R3HDM1: variants seen among roughly 807,000 people sequenced by gnomAD.
R3HDM1 encodes the protein R3H domain containing 1.
R3HDM1 carries 46 observed loss-of-function variants against 141.1 expected under a neutral mutation model. The ratio of observed to expected loss-of-function variants is 0.33; its 90% CI spans 0.26 to 0.42. The LOEUF (loss-of-function observed/expected upper bound fraction) is 0.42. R3HDM1 is among the 10% of genes least tolerant of loss of function. The pLI, the probability that R3HDM1 is intolerant of heterozygous loss-of-function variation, is 1.00. For synonymous variants in R3HDM1, 435 were observed against 472.9 expected, an observed-to-expected ratio of 0.92 and a Z score of 1.04; for missense variants, 1,184 against 1,368.3, an observed-to-expected ratio of 0.87 and a Z score of 2.12.
chr2:135,566,827 G>A, intron 1 of R3HDM1: 2 of 934,588 alleles, frequency 2.1e-6, no homozygotes, highest in African/African-American at 1.8e-5. Context: ...ACGAAAATTA[G>A]CCAGCATGAT....
At chr2:135,701,490 A>G (rs548338808) in intron 21 of R3HDM1, among the ~76,000 whole-genome samples, 1 of 152,306 alleles carries the variant, frequency 6.6e-6, no homozygotes, top group Admixed American at 6.5e-5. Context: ...TGCATATGTG[A>G]TGAGATGAAG....
chr2:135,699,035 A>ATTGATAGAT (rs745595308), intron 21 of R3HDM1, among the ~76,000 whole-genome samples: 1 of 106,976 alleles, frequency 9.3e-6, no homozygotes, highest in East Asian at 2.6e-4. Context: ...AGATAGATAG[A>ATTGATAGAT]TAGATAGATA....
chr2:135,531,887 G>GGCTGCA (rs1179199867), intron 1 of R3HDM1, among the ~76,000 whole-genome samples: 29 of 152,302 alleles, frequency 1.9e-4, no homozygotes, highest in Middle Eastern at 6.8e-3. Context: ...CTGCGGCTCC[G>GGCTGCA]GCTGCAGCTG....
intron 1 of R3HDM1, among the ~76,000 whole-genome samples, chr2:135,570,026 AG>A (rs1703754887): frequency 6.6e-6 from 1 of 152,144 alleles, no homozygotes; most frequent in Non-Finnish European, 1.5e-5. Flanking sequence ...ATGCCCGGCC[AG>A]TAAGCTCTTT....
At chr2:135,656,570 A>T (rs1244195375) in intron 18 of R3HDM1, 2 of 151,868 alleles carry the variant, frequency 1.3e-5, no homozygotes, top group African/African-American at 2.4e-5. Context: ...CTTTTTAGGT[A>T]CATCCCCTTG....
chr2:135,663,120 A>T (rs4954280), intron 19 of R3HDM1, among the ~76,000 whole-genome samples: 1 of 146,950 alleles, frequency 6.8e-6, no homozygotes, highest in Non-Finnish European at 1.5e-5. Flanking sequence ...GTGCTAGTAT[A>T]TATGCCTCTC....
At chr2:135,699,023 A>ATAGATAGAT (rs1553629852) in intron 21 of R3HDM1, among the ~76,000 whole-genome samples, 1 of 95,576 alleles carries the variant, frequency 1.0e-5, no homozygotes, top group African/African-American at 3.7e-5. Flanking sequence ...AGATAGATAG[A>ATAGATAGAT]TAGATAGATA....
chr2:135,718,916 G>A (rs1228138376), intron 24 of R3HDM1, among the ~76,000 whole-genome samples: 1 of 152,280 alleles, frequency 6.6e-6, no homozygotes, highest in African/African-American at 2.4e-5. Flanking sequence ...GGGAGGCTGA[G>A]GTGGGTGGAT....
intron 1 of R3HDM1, among the ~76,000 whole-genome samples, chr2:135,581,720 C>A (rs985537444): frequency 2.0e-5 from 3 of 152,282 alleles, no homozygotes; most frequent in Non-Finnish European, 4.4e-5. Flanking sequence ...TTTCAAGTTT[C>A]TGAATTTTTA....
At chr2:135,713,127 G>C (rs2075836520) in intron 23 of R3HDM1, among the ~76,000 whole-genome samples, 1 of 152,076 alleles carries the variant, frequency 6.6e-6, no homozygotes, top group Non-Finnish European at 1.5e-5. Context: ...GCTTGACCCT[G>C]AGTGGTAGAG....
intron 1 of R3HDM1, among the ~76,000 whole-genome samples, chr2:135,598,736 C>T (rs527369305): frequency 6.6e-6 from 1 of 152,322 alleles, no homozygotes; most frequent in African/African-American, 2.4e-5. Context: ...AATATTACCA[C>T]AGGGCCAGGC....
At chr2:135,657,194 G>A (rs2066020172) in intron 18 of R3HDM1, among the ~76,000 whole-genome samples, 1 of 151,866 alleles carries the variant, frequency 6.6e-6, no homozygotes, top group Non-Finnish European at 1.5e-5. Context: ...CTTGAGGTCA[G>A]GAGTTCGAAA....
At chr2:135,541,309 A>G (rs1697438163) in intron 1 of R3HDM1, among the ~76,000 whole-genome samples, 1 of 151,870 alleles carries the variant, frequency 6.6e-6, no homozygotes, top group Non-Finnish European at 1.5e-5. Context: ...CTGGGTTCAC[A>G]TCATTCTCCT....
chr2:135,627,992 G>GT (rs2062220921), intron 7 of R3HDM1, among the ~76,000 whole-genome samples: 2 of 152,186 alleles, frequency 1.3e-5, no homozygotes, highest in Non-Finnish European at 1.5e-5. Context: ...TTATTAGCTT[G>GT]TTTTTATTAC....
chr2:135,536,148 A>AT (rs1410945399), intron 1 of R3HDM1, among the ~76,000 whole-genome samples: 1 of 151,226 alleles, frequency 6.6e-6, no homozygotes, highest in Non-Finnish European at 1.5e-5. Flanking sequence ...TTCATTTTTT[A>AT]TTTTTTTAAG....
chr2:135,623,899 C>G (rs979551088), intron 7 of R3HDM1, among the ~76,000 whole-genome samples: 1 of 152,152 alleles, frequency 6.6e-6, no homozygotes, highest in Non-Finnish European at 1.5e-5. Context: ...GCCACAACCT[C>G]TGAAAGGATT....
chr2:135,579,490 T>C (rs1706260944), intron 1 of R3HDM1, among the ~76,000 whole-genome samples: 1 of 150,688 alleles, frequency 6.6e-6, no homozygotes, highest in African/African-American at 2.5e-5. Context: ...TATCAGCAGA[T>C]ACTCAATGGA....
Position 135,724,178 on chromosome 2 carries a change from T to C in R3HDM1, c.3291T>C (p.Ile1097=). Reference sequence around the variant, plus strand: ...CCGTCTTAGCCACATTCCCCTCCATTTCAGCTGCACAGAATGCACTGAAGA... The same window carrying C: ...CCGTCTTAGCCACATTCCCCTCCATCTCAGCTGCACAGAATGCACTGAAGA... ...TYTVLATFPS[I]SAAQNALKKQ... Residue 1097 remains isoleucine, a synonymous_variant, in exon 27 of 27, where the codon ATT becomes ATC. Transcript: ENST00000683871. 1.2e-6 allele frequency: 2 copies of C among 1,614,060 alleles called. No homozygotes were observed. Among genetic ancestry groups the C allele is most frequent in the Non-Finnish European group, 1.7e-6 (2 of 1,179,932 alleles).
At chr2:135,703,459 G>C (rs1000909696) in intron 21 of R3HDM1, among the ~76,000 whole-genome samples, 1 of 152,138 alleles carries the variant, frequency 6.6e-6, no homozygotes, top group African/African-American at 2.4e-5. Flanking sequence ...TGGCCTAACT[G>C]CTTGCTTTCC....
Sources: allele counts gnomAD v4.1 joint callset (sites outside exome capture counted in the v4.1 genomes callset), GRCh38; gene constraint gnomAD v4.1.1; transcripts MANE v1.5; gene names NCBI Gene and HGNC (gene_info 2026-07-23, HGNC 2026-07-21).